RCOR1: variants seen among roughly 807,000 people sequenced by gnomAD.
RCOR1 encodes REST corepressor.
In RCOR1, 12 loss-of-function variants were observed where a neutral mutation model predicts 64.0. The observed-to-expected ratio is 0.19, with a 90% CI of 0.12 to 0.30. The LOEUF (loss-of-function observed/expected upper bound fraction) is 0.30. Among genes scored for constraint, RCOR1 ranks in the 10% least tolerant of loss-of-function variants. RCOR1 has a pLI of 1.00. For missense variants in RCOR1, 502 were observed against 621.2 expected (o/e 0.81, Z 2.04); for synonymous variants, 279 against 227.2 (o/e 1.23, Z -2.05).
At chr14:102,691,366 A>G (rs1895529720) in intron 3 of RCOR1, among the ~76,000 whole-genome samples, 1 of 152,186 alleles carries the variant, frequency 6.6e-6, no homozygotes, top group African/African-American at 2.4e-5. Context: ...TGAGTGAGTC[A>G]TGGGTTCATT....
intron 2 of RCOR1, among the ~76,000 whole-genome samples, chr14:102,677,275 C>A (rs77624985): frequency 0.15 from 10,539 of 70,984 alleles, 1,120 homozygotes; most frequent in African/African-American, 0.22. Context: ...ACTTCCCAGT[C>A]GGGGCGGCCG....
chr14:102,690,685 A>T (rs1476427804), intron 3 of RCOR1, among the ~76,000 whole-genome samples: 2 of 152,204 alleles, frequency 1.3e-5, no homozygotes, highest in Non-Finnish European at 2.9e-5. Context: ...CTTAAGTGTC[A>T]CTATATCAGA....
intron 2 of RCOR1, among the ~76,000 whole-genome samples, chr14:102,664,026 TC>T (rs767332992): frequency 1.3e-5 from 2 of 152,330 alleles, no homozygotes; most frequent in Admixed American, 6.5e-5. Flanking sequence ...GCATCTAACT[TC>T]CTTCTTGGGG....
At chr14:102,676,842 T>C (rs1367006889) in intron 2 of RCOR1, among the ~76,000 whole-genome samples, 4 of 77,748 alleles carry the variant, frequency 5.1e-5, no homozygotes, top group Admixed American at 1.1e-4. Context: ...ACGGGGCGGC[T>C]GGCCGGGCGA....
At position 102,656,777 on chromosome 14, in the gene RCOR1, C is replaced by CT. The variant is rs200671967; in HGVS notation, c.362-25114dup. 8.3e-3 allele frequency among the ~76,000 whole-genome samples: 1,215 copies of CT among 146,568 alleles called. 50 individuals carry two copies. The highest frequency in any genetic ancestry group is 0.056 in the Admixed American group (816 of 14,688). ...CACCTGCTCAGAAAAGGTTTCTTTTCTTTTCTTTTTTTTTTTGAGATCAGG... is the reference window on the plus strand; with the variant it reads ...CACCTGCTCAGAAAAGGTTTCTTTTCTTTTTCTTTTTTTTTTTGAGATCAGG... On this transcript the variant is annotated intron_variant, in intron 2 of 11. Transcript: ENST00000262241.
At chr14:102,619,846 CT>C (rs1893837372) in intron 2 of RCOR1, among the ~76,000 whole-genome samples, 1 of 152,132 alleles carries the variant, frequency 6.6e-6, no homozygotes, top group Admixed American at 6.6e-5. Flanking sequence ...CATCTATGTT[CT>C]TGATGTAGCT....
Position 102,724,712 on chromosome 14 carries a change from T to C in RCOR1, c.1420-1756T>C, listed in dbSNP as rs191496007. On this transcript the variant is annotated intron_variant, in intron 11 of 11. Coordinates refer to ENST00000262241, the MANE Select transcript of RCOR1 (RefSeq NM_015156.4). ...CACCTAGTTTTATGTTCTCCATATG[T>C]TAGTTTGCAGAAGGAAATTAATCTA... Among the ~76,000 whole-genome samples, 702 of 152,322 alleles carry C rather than the reference T, an allele frequency of 4.6e-3. 10 individuals carry two copies. Among genetic ancestry groups the C allele is most frequent in the African/African-American group, 0.016 (678 of 41,562 alleles).
At chr14:102,636,708 A>C (rs1004409889) in intron 2 of RCOR1, among the ~76,000 whole-genome samples, 3 of 150,784 alleles carry the variant, frequency 2.0e-5, no homozygotes, top group Admixed American at 6.6e-5. Flanking sequence ...AGTGGCTCAC[A>C]CCTGTAATCC....
In RCOR1 at chr14:102,653,966, TC is replaced by T. The variant is rs1567423390; in HGVS notation, c.362-27928del. Among the ~76,000 whole-genome samples, 256 of 56,596 alleles carry T rather than the reference TC, an allele frequency of 4.5e-3. 5 individuals are homozygous for T. The highest frequency in any genetic ancestry group is 0.025 in the African/African-American group (199 of 8,018). The allele number at this position is 56,596 out of a possible 152,430, so 37.1% of individuals were successfully genotyped here. ...TTCTTTCTTTCTTTCTTTCTTTCTT[TC>T]TTTCTTTCTTTCTTTCTTTTTTTTT... On this transcript the variant is annotated intron_variant, in intron 2 of 11. Transcript: ENST00000262241.
rs1191614824 is a variant in RCOR1, at chr14:102,726,646, T to G, written c.*140T>G. 1.4e-6 allele frequency: 1 copy of G among 691,504 alleles called. No individual in the cohort carries two copies. The highest frequency in any genetic ancestry group is 2.4e-6 in the Non-Finnish European group (1 of 411,128). 42.8% of individuals were successfully genotyped at this position (691,504 alleles called of 1,614,324 possible). On this transcript the variant is annotated 3_prime_UTR_variant, in exon 12 of 12. Coordinates refer to ENST00000262241, the MANE Select transcript of RCOR1 (RefSeq NM_015156.4). ...CAAAAAAGGCATATACTTCCAGTCCTGTGCTCCATCTGCCTTAATTCTTTG... is the reference window on the plus strand; with the variant it reads ...CAAAAAAGGCATATACTTCCAGTCCGGTGCTCCATCTGCCTTAATTCTTTG...
intron 2 of RCOR1, 57 bp from the exon 3 acceptor site, chr14:102,681,838 A>G (rs1188666759): frequency 2.4e-6 from 3 of 1,255,232 alleles, no homozygotes; most frequent in Non-Finnish European, 2.3e-6. Context: ...ATTGTTACTT[A>G]TAGCTTATTA....
intron 2 of RCOR1, among the ~76,000 whole-genome samples, chr14:102,607,080 T>C (rs1308961676): frequency 6.6e-6 from 1 of 151,982 alleles, no homozygotes; most frequent in African/African-American, 2.4e-5. Flanking sequence ...ATTATAGGCA[T>C]GCTCCACCAC....
At chr14:102,595,065 G>A (rs1307733651) in intron 2 of RCOR1, among the ~76,000 whole-genome samples, 1 of 152,166 alleles carries the variant, frequency 6.6e-6, no homozygotes, top group Admixed American at 6.5e-5. Flanking sequence ...ATTGACATCA[G>A]CTCTGCATTG....
At chr14:102,673,698 C>T (rs993406828) in intron 2 of RCOR1, among the ~76,000 whole-genome samples, 1 of 151,950 alleles carries the variant, frequency 6.6e-6, no homozygotes, top group Non-Finnish European at 1.5e-5. Context: ...TCACCGCAAC[C>T]TCCGCCTCCC....
intron 2 of RCOR1, among the ~76,000 whole-genome samples, chr14:102,660,391 C>T (rs1456594984): frequency 2.7e-5 from 4 of 150,690 alleles, no homozygotes; most frequent in Non-Finnish European, 4.4e-5. Flanking sequence ...TAACTTCTTT[C>T]CCCCCTTTTT....
intron 2 of RCOR1, among the ~76,000 whole-genome samples, chr14:102,630,392 G>T (rs1300334674): frequency 2.0e-5 from 3 of 152,104 alleles, no homozygotes; most frequent in Non-Finnish European, 4.4e-5. Flanking sequence ...TTCTTTGTCA[G>T]TTACCCAGTG....
rs941825394 is a variant in RCOR1 at position 102,683,269 on chromosome 14, C to T, written c.445+1291C>T. On this transcript the variant is annotated intron_variant, in intron 3 of 11. Coordinates refer to ENST00000262241, the MANE Select transcript of RCOR1 (RefSeq NM_015156.4). ...TGAGGCTCCCAGTGGACAGCGAGCT[C>T]GGCTTGTGGCTGAGACACACTTGAG... Among the ~76,000 whole-genome samples the T allele has an allele frequency of 2.0e-5, 3 of 152,232 alleles. No homozygotes were observed. The East Asian group carries it at 5.8e-4, about 29-fold the overall frequency.
intron 2 of RCOR1, among the ~76,000 whole-genome samples, chr14:102,669,169 C>T (rs552092563): frequency 1.4e-4 from 22 of 152,104 alleles, no homozygotes; most frequent in Admixed American, 4.6e-4. Flanking sequence ...ATTAGCCAGG[C>T]GTGGTGGCAC....
rs1238152704 is a variant in RCOR1 at position 102,729,773 on chromosome 14, A to T, written c.*3267A>T. On this transcript the variant is annotated 3_prime_UTR_variant, in exon 12 of 12. Transcript: ENST00000262241. Reference sequence around the variant, plus strand: ...CTATTGGTATAATTGCACACCAAAAATAAGCCAAACAGTGCATTACGCTAA... The same window carrying T: ...CTATTGGTATAATTGCACACCAAAATTAAGCCAAACAGTGCATTACGCTAA... 2.5e-6 allele frequency: 1 copy of T among 398,842 alleles called. No homozygotes were observed. Among genetic ancestry groups the T allele is most frequent in the Non-Finnish European group, 4.4e-6 (1 of 226,072 alleles). 24.7% of individuals were successfully genotyped at this position (398,842 alleles called of 1,614,324 possible). A position where few individuals can be genotyped will look rare whatever the true frequency, so the allele number is the denominator to read the frequency against.
Sources: gnomAD v4.1 joint callset for allele counts (sites outside exome capture counted in the v4.1 genomes callset) on GRCh38, gnomAD v4.1.1 for gene constraint, MANE v1.5 for transcripts, NCBI Gene and HGNC (gene_info 2026-07-23, HGNC 2026-07-21) for gene names.